Variants in PTPRN2 observed in about 807,000 individuals in gnomAD.
PTPRN2 encodes the protein protein tyrosine phosphatase receptor type N2, also known as receptor-type tyrosine-protein phosphatase N2.
Under a neutral mutation model 118.8 loss-of-function variants are expected in PTPRN2, and 74 were observed. The ratio of observed to expected loss-of-function variants is 0.62; its 90% CI spans 0.52 to 0.76. The LOEUF (loss-of-function observed/expected upper bound fraction) is 0.76. PTPRN2 is among the 30% of genes least tolerant of loss of function. The pLI is 0.00. For missense variants in PTPRN2, 1,481 were observed against 1,394.4 expected, an observed-to-expected ratio of 1.06 and a Z score of -0.99; for synonymous variants, 641 against 608.0, an observed-to-expected ratio of 1.05 and a Z score of -0.80.
chr7:157,781,790 C>T (rs1394570200), intron 12 of PTPRN2, among the ~76,000 whole-genome samples: 1 of 152,236 alleles, frequency 6.6e-6, no homozygotes, highest in African/African-American at 2.4e-5. Context: ...CAATACCCTG[C>T]CCCAGCCTCC....
chr7:158,279,592 A>C (rs1358805487), intron 3 of PTPRN2, among the ~76,000 whole-genome samples: 2 of 152,218 alleles, frequency 1.3e-5, no homozygotes, highest in Non-Finnish European at 2.9e-5. Context: ...TCCAGCCTCC[A>C]ATCAAGCCCA....
intron 12 of PTPRN2, among the ~76,000 whole-genome samples, chr7:157,886,771 G>A (rs769553144): frequency 9.2e-5 from 14 of 152,260 alleles, no homozygotes; most frequent in Admixed American, 7.8e-4. Flanking sequence ...ACCACAGTGG[G>A]GCTGCCCCAG....
At chr7:158,377,798 G>A (rs111451062) in intron 2 of PTPRN2, among the ~76,000 whole-genome samples, 10 of 152,298 alleles carry the variant, frequency 6.6e-5, no homozygotes, top group African/African-American at 1.9e-4. Context: ...ACCAAGGGAC[G>A]GGCTGCTGGT....
chr7:158,472,148 G>A (rs1819907299), intron 2 of PTPRN2, among the ~76,000 whole-genome samples: 1 of 152,214 alleles, frequency 6.6e-6, no homozygotes, highest in Non-Finnish European at 1.5e-5. Context: ...GCATCATAGA[G>A]AGTTCACAAG....
At chr7:157,659,086 G>A (rs923686355) in intron 13 of PTPRN2, among the ~76,000 whole-genome samples, 2 of 151,674 alleles carry the variant, frequency 1.3e-5, no homozygotes, top group African/African-American at 4.8e-5. Flanking sequence ...TGTCTGCCAA[G>A]CCCACCGGCA....
At chr7:157,896,943 C>A (rs1175025342) in intron 12 of PTPRN2, among the ~76,000 whole-genome samples, 1 of 152,098 alleles carries the variant, frequency 6.6e-6, no homozygotes, top group African/African-American at 2.4e-5. Flanking sequence ...CCACCCTTGC[C>A]CCTCCAGCCC....
At chr7:157,862,280 A>C (rs148175186) in intron 12 of PTPRN2, among the ~76,000 whole-genome samples, 5 of 152,226 alleles carry the variant, frequency 3.3e-5, no homozygotes, top group African/African-American at 1.2e-4. Flanking sequence ...CAGGACTTCA[A>C]CATATCTTTC....
intron 14 of PTPRN2, among the ~76,000 whole-genome samples, chr7:157,643,028 C>T (rs569052230): frequency 6.6e-6 from 1 of 152,128 alleles, no homozygotes; most frequent in Non-Finnish European, 1.5e-5. Flanking sequence ...TACAGGTAGT[C>T]CCCGCTTATG....
intron 14 of PTPRN2, among the ~76,000 whole-genome samples, chr7:157,634,477 C>T (rs1426555957): frequency 6.6e-6 from 1 of 152,084 alleles, no homozygotes; most frequent in Non-Finnish European, 1.5e-5. Flanking sequence ...TAAAGACAAC[C>T]GAATCACTAA....
chr7:157,898,593 G>C, intron 12 of PTPRN2, 80 bp downstream of exon 12: 8 of 1,387,026 alleles, frequency 5.8e-6, no homozygotes, highest in Non-Finnish European at 8.2e-6. Flanking sequence ...TGCAGGTCCA[G>C]CCTCTGTTCT....
chr7:157,639,043 CTT>C (rs760409679), intron 14 of PTPRN2, among the ~76,000 whole-genome samples: 4 of 145,706 alleles, frequency 2.7e-5, no homozygotes, highest in Non-Finnish European at 3.0e-5. Flanking sequence ...TTCTTTCTTT[CTT>C]TTTTTTTTTT....
At chr7:158,547,010 A>C (rs1444131394) in intron 1 of PTPRN2, among the ~76,000 whole-genome samples, 2 of 151,832 alleles carry the variant, frequency 1.3e-5, no homozygotes, top group Non-Finnish European at 2.9e-5. Flanking sequence ...GCACAGAAAG[A>C]AGCTCAGACC....
chr7:157,621,180 T>C (rs13309795), intron 15 of PTPRN2, among the ~76,000 whole-genome samples, 182 bp downstream of exon 15: 11,859 of 29,782 alleles, frequency 0.4, 1,251 homozygotes, highest in Non-Finnish European at 0.44. Context: ...TCAGCACGGC[T>C]AGTTTCCACT....
rs181107940 is a variant in PTPRN2 at position 157,779,340 on chromosome 7, G to C, written c.1789-96403C>G. Among the ~76,000 whole-genome samples, 37 of 152,322 alleles carry C rather than the reference G, an allele frequency of 2.4e-4. No individual in the cohort carries two copies. In the East Asian group the frequency reaches 6.6e-3, roughly 27 times the overall value. On this transcript the variant is annotated intron_variant, in intron 12 of 22. Coordinates refer to ENST00000389418, the MANE Select transcript of PTPRN2 (RefSeq NM_002847.5). This position sits in a 1 kb window ranked among gnomAD's most constrained non-coding sequence, Gnocchi z 4.7. Reference sequence around the variant, plus strand: ...TTGGTGACCTGAGGTGAAAGGTCACGTGCTGGTCGCTTGTGCTGAGCAAGG... The same window carrying C: ...TTGGTGACCTGAGGTGAAAGGTCACCTGCTGGTCGCTTGTGCTGAGCAAGG...
chr7:157,826,113 C>A (rs1426986304), intron 12 of PTPRN2, among the ~76,000 whole-genome samples: 1 of 151,638 alleles, frequency 6.6e-6, no homozygotes, highest in South Asian at 2.1e-4. Context: ...GCCATTTCCA[C>A]GCGTGCTGTG....
chr7:158,285,713 TGAG>T (rs1192507270), intron 3 of PTPRN2, among the ~76,000 whole-genome samples: 1 of 152,246 alleles, frequency 6.6e-6, no homozygotes, highest in East Asian at 1.9e-4. Flanking sequence ...CAGGGTGGAA[TGAG>T]GAGTGGAACA....
At chr7:157,638,638 T>C (rs898797455) in intron 14 of PTPRN2, among the ~76,000 whole-genome samples, 4 of 152,252 alleles carry the variant, frequency 2.6e-5, no homozygotes, top group African/African-American at 9.6e-5. Context: ...ATATTTTACA[T>C]CTTTTCCCAG....
At chr7:157,904,684 C>A (rs1372372934) in intron 11 of PTPRN2, among the ~76,000 whole-genome samples, 1 of 152,250 alleles carries the variant, frequency 6.6e-6, no homozygotes, top group Non-Finnish European at 1.5e-5. Context: ...CTTCACGCGG[C>A]CCTGTGTTCC....
chr7:158,454,483 A>G (rs1487353961), intron 2 of PTPRN2, among the ~76,000 whole-genome samples: 1 of 148,736 alleles, frequency 6.7e-6, no homozygotes. Context: ...GACAGACAAG[A>G]TACAACACAC....
Sources: gnomAD v4.1 joint callset for allele counts (sites outside exome capture counted in the v4.1 genomes callset) on GRCh38, gnomAD v4.1.1 for gene constraint, Gnocchi (gnomAD v3.1) non-coding constraint, MANE v1.5 for transcripts, NCBI Gene and HGNC (gene_info 2026-07-23, HGNC 2026-07-21) for gene names.